Variants in HPS1 observed in about 807,000 individuals in gnomAD.
HPS1 encodes HPS1 biogenesis of lysosomal organelles complex 3 subunit 1.
Under a neutral mutation model 90.6 loss-of-function variants are expected in HPS1, and 59 were observed. The ratio of observed to expected loss-of-function variants is 0.65; its 90% CI spans 0.53 to 0.81. The LOEUF (loss-of-function observed/expected upper bound fraction) is 0.81, where lower values mean the gene tolerates loss of function less well. Among genes scored for constraint, HPS1 ranks in the 30% least tolerant of loss-of-function variants. The probability of loss-of-function intolerance (pLI) is 0.00; values close to 1 mark genes in which losing one functional copy is unlikely to be tolerated. For missense variants in HPS1, 849 were observed against 896.7 expected (o/e 0.95, Z 0.68); for synonymous variants, 388 against 384.4 (o/e 1.01, Z -0.11).
chr10:98,437,744 A>G (rs1210287533), intron 3 of HPS1, among the ~76,000 whole-genome samples: 1 of 152,244 alleles, frequency 6.6e-6, no homozygotes, highest in Non-Finnish European at 1.5e-5. Context: ...CACCATCATT[A>G]AGCAGGGCAT....
chr10:98,427,334 G>C (rs1426749961), intron 10 of HPS1, 70 bp from the exon 11 acceptor site: 1 of 1,348,312 alleles, frequency 7.4e-7, no homozygotes, highest in Non-Finnish European at 1.0e-6. Context: ...AACAGCATGG[G>C]GTAGGGGGCC....
downstream of HPS1, chr10:98,415,278 T>C (rs1843975767): frequency 3.4e-5 from 39 of 1,164,162 alleles, no homozygotes; most frequent in Non-Finnish European, 4.3e-5. Context: ...CCATGCATTC[T>C]TGGCCACAGG....
chr10:98,427,392 G>T (rs1410491560), intron 10 of HPS1, 128 bp from the exon 11 acceptor site: 2 of 751,006 alleles, frequency 2.7e-6, no homozygotes, highest in Admixed American at 2.1e-5. Flanking sequence ...TCCACGCAGG[G>T]GTGCTAATGT....
chr10:98,417,199 C>T lies in HPS1; in HGVS notation c.*365G>A, dbSNP rs1462333706. The T allele has an allele frequency of 5.7e-6, 1 of 173,934 alleles. No individual in the cohort carries two copies. Among genetic ancestry groups the T allele is most frequent in the Non-Finnish European group, 1.2e-5 (1 of 82,674 alleles). 10.8% of individuals were successfully genotyped at this position (173,934 alleles called of 1,614,324 possible). A position where few individuals can be genotyped will look rare whatever the true frequency, so the allele number is the denominator to read the frequency against. Reference sequence around the variant, plus strand: ...ACCCAGGCAAAGGAGCACCTTTTACCTGGGGTAGGAGAGAGCTTGCTGGGT... The same window carrying T: ...ACCCAGGCAAAGGAGCACCTTTTACTTGGGGTAGGAGAGAGCTTGCTGGGT... On this transcript the variant is annotated 3_prime_UTR_variant, in exon 20 of 20. Coordinates refer to ENST00000361490, the MANE Select transcript of HPS1 (RefSeq NM_000195.5). The surrounding 1 kb of genome is among the most constrained non-coding windows in gnomAD (Gnocchi z 4.2).
chr10:98,424,122 C>T (rs548161253), intron 14 of HPS1, among the ~76,000 whole-genome samples, 191 bp downstream of exon 14: 14 of 152,258 alleles, frequency 9.2e-5, no homozygotes, highest in African/African-American at 3.4e-4. Flanking sequence ...AGGGGGCAGC[C>T]ACAGCTGATC....
chr10:98,438,026 C>A (rs369487028), intron 3 of HPS1, among the ~76,000 whole-genome samples: 1 of 152,184 alleles, frequency 6.6e-6, no homozygotes, highest in Non-Finnish European at 1.5e-5. Context: ...TGCTGCCTTG[C>A]GAAGAAGGTG....
intron 14 of HPS1, 147 bp downstream of exon 14, chr10:98,424,166 G>A (rs1845280720): frequency 2.6e-6 from 2 of 755,384 alleles, no homozygotes; most frequent in Non-Finnish European, 4.6e-6. Context: ...GCTTCTCCAC[G>A]CGGTGCTCCA....
chr10:98,427,355 C>T, intron 10 of HPS1, 91 bp from the exon 11 acceptor site: 1 of 1,113,674 alleles, frequency 9.0e-7, no homozygotes, highest in African/African-American at 1.5e-5. Flanking sequence ...CAGGTGCCCC[C>T]CACAACCTCA....
intron 11 of HPS1, 190 bp from the exon 12 acceptor site, chr10:98,426,175 C>T (rs1845581191): frequency 1.7e-6 from 1 of 594,724 alleles, no homozygotes; most frequent in African/African-American, 1.9e-5. Context: ...CTCAGCTGCT[C>T]CTGGGCCTTT....
chr10:98,420,690 T>A (rs1244379992), intron 17 of HPS1, among the ~76,000 whole-genome samples: 1 of 152,008 alleles, frequency 6.6e-6, no homozygotes, highest in African/African-American at 2.4e-5. Flanking sequence ...CACTCTAGCC[T>A]GGGTGACAAA....
In HPS1 at chr10:98,429,810, C is replaced by G. The variant is rs74154475; in HGVS notation, c.848G>C (p.Gly283Ala). The G allele has an allele frequency of 9.3e-4, 1,505 of 1,613,832 alleles. 11 individuals carry two copies. In the African/African-American group the frequency reaches 0.017, roughly 18 times the overall value. Residue 283 changes from glycine (G) to alanine (A), a missense_variant, in exon 9 of 20, where the codon GGG becomes GCG. Gly to Ala is a moderately conservative substitution (Grantham distance 60, BLOSUM62 0). Transcript: ENST00000361490. Reference protein sequence around the residue: ...AWSPHSTGPTGGSSAETETDS... With the variant: ...AWSPHSTGPTAGSSAETETDS... ...ACACACCGTCTCTGCAGAGCTCCCC[C>G]CAGTTGGGCCCGTGGAGTGAGGGCT...
chr10:98,434,245 G>A (rs1276105468), intron 5 of HPS1, among the ~76,000 whole-genome samples, 154 bp from the exon 6 acceptor site: 1 of 152,146 alleles, frequency 6.6e-6, no homozygotes, highest in African/African-American at 2.4e-5. Context: ...GTTTCCGGCC[G>A]AGCTCTAACT....
At chr10:98,440,303 A>T (rs985153697) in intron 3 of HPS1, among the ~76,000 whole-genome samples, 1 of 152,230 alleles carries the variant, frequency 6.6e-6, no homozygotes, top group Non-Finnish European at 1.5e-5. Flanking sequence ...AATTTATCCT[A>T]GGAATTTATC....
intron 3 of HPS1, among the ~76,000 whole-genome samples, chr10:98,440,586 AC>A (rs1938244647): frequency 1.3e-5 from 2 of 152,122 alleles, no homozygotes; most frequent in South Asian, 4.1e-4. Flanking sequence ...AAAAATAAAG[AC>A]CCAAAGAAAG....
intron 3 of HPS1, among the ~76,000 whole-genome samples, chr10:98,437,206 C>T (rs1451724226): frequency 6.6e-6 from 1 of 152,178 alleles, no homozygotes; most frequent in African/African-American, 2.4e-5. Flanking sequence ...GCTACGTTTA[C>T]TGCTTTACCC....
At position 98,417,203 on chromosome 10, in the gene HPS1, G is replaced by C. The variant is rs1012751221; in HGVS notation, c.*361C>G. 1.1e-5 allele frequency: 2 copies of C among 182,392 alleles called. No homozygotes were observed. Among genetic ancestry groups the C allele is most frequent in the African/African-American group, 4.7e-5 (2 of 42,342 alleles). The allele number at this position is 182,392 out of a possible 1,614,324, so 11.3% of individuals were successfully genotyped here. On this transcript the variant is annotated 3_prime_UTR_variant, in exon 20 of 20. Coordinates refer to ENST00000361490, the MANE Select transcript of HPS1 (RefSeq NM_000195.5). The surrounding 1 kb of genome is among the most constrained non-coding windows in gnomAD (Gnocchi z 4.2). The stretch of plus-strand genomic sequence containing the variant: ...AGGCAAAGGAGCACCTTTTACCTGG[G>C]GTAGGAGAGAGCTTGCTGGGTGGGC...
intron 11 of HPS1, among the ~76,000 whole-genome samples, chr10:98,426,450 C>T (rs572176477): frequency 6.6e-6 from 1 of 152,348 alleles, no homozygotes; most frequent in African/African-American, 2.4e-5. Flanking sequence ...TCCAGCCTTA[C>T]AGAGGGATCT....
chr10:98,423,894 A>C lies in HPS1; in HGVS notation c.1398-7T>G. 6.2e-7 allele frequency: 1 copy of C among 1,613,388 alleles called. No individual in the cohort carries two copies. The highest frequency in any genetic ancestry group is 8.5e-7 in the Non-Finnish European group (1 of 1,180,006). ...CCCACATGCCTGGAGCAGCCTGAGC[A>C]CGAGAGAGGAGGGCATTACAGCAGA... On this transcript the variant is annotated splice_polypyrimidine_tract_variant and splice_region_variant and intron_variant, in intron 14 of 19. Transcript: ENST00000361490.
intron 8 of HPS1, 100 bp from the exon 9 acceptor site, chr10:98,429,989 A>ACCCCTCCG (rs1179647570): frequency 1.0e-6 from 1 of 999,412 alleles, no homozygotes; most frequent in Non-Finnish European, 1.5e-6. Flanking sequence ...CCACCCCTCC[A>ACCCCTCCG]CCCCTCCACC....
Sources: gnomAD v4.1 joint callset for allele counts (sites outside exome capture counted in the v4.1 genomes callset) on GRCh38, gnomAD v4.1.1 for gene constraint, Gnocchi (gnomAD v3.1) non-coding constraint, MANE v1.5 for transcripts, NCBI Gene and HGNC (gene_info 2026-07-23, HGNC 2026-07-21) for gene names.